The following PAN3 variants were observed in gnomAD, a reference collection of about 807,000 sequenced individuals.
PAN3 encodes the protein PAN2-PAN3 deadenylation complex subunit PAN3.
PAN3 carries 19 observed loss-of-function variants against 96.2 expected under a neutral mutation model. That is an observed-to-expected ratio of 0.20 (90% CI 0.14 to 0.29). PAN3 has a LOEUF of 0.29. Among genes scored for constraint, PAN3 ranks in the 10% least tolerant of loss-of-function variants. PAN3 has a pLI of 1.00. For synonymous variants in PAN3, 433 were observed against 406.6 expected (o/e 1.06, Z -0.78); for missense variants, 882 against 1,108.1 (o/e 0.80, Z 2.90).
chr13:28,261,575 G>A (rs903427547), intron 9 of PAN3, 117 bp downstream of exon 9: 1 of 791,876 alleles, frequency 1.3e-6, no homozygotes, highest in Non-Finnish European at 1.9e-6. Context: ...GCTCATACCT[G>A]TAATCCCAGC....
intron 5 of PAN3, chr13:28,215,166 C>A: frequency 1.4e-6 from 1 of 716,776 alleles, no homozygotes; most frequent in Non-Finnish European, 2.6e-6. Context: ...GAAAGTCACC[C>A]ATAAAGATGG....
chr13:28,166,717 T>G (rs1410869816), intron 1 of PAN3, among the ~76,000 whole-genome samples: 1 of 152,230 alleles, frequency 6.6e-6, no homozygotes, highest in Non-Finnish European at 1.5e-5. Context: ...CTGAGTGTAC[T>G]GCACTCCTGA....
chr13:28,183,292 T>C (rs141348302), intron 4 of PAN3, among the ~76,000 whole-genome samples: 174 of 152,340 alleles, frequency 1.1e-3, no homozygotes, highest in Non-Finnish European at 2.0e-3. Flanking sequence ...AATAATGTTT[T>C]ACTTGGTATT....
intron 5 of PAN3, among the ~76,000 whole-genome samples, chr13:28,207,834 A>G (rs1879557952): frequency 6.6e-6 from 1 of 152,160 alleles, no homozygotes; most frequent in South Asian, 2.1e-4. Context: ...AGAGTGTGGA[A>G]TTGGGTTCAG....
intron 5 of PAN3, among the ~76,000 whole-genome samples, chr13:28,205,247 A>G (rs546271669): frequency 1.6e-4 from 24 of 152,244 alleles, no homozygotes; most frequent in African/African-American, 5.5e-4. Flanking sequence ...GGACTTTGTA[A>G]AGGTGAAGCT....
At chr13:28,179,068 A>G (rs1404432451) in intron 4 of PAN3, among the ~76,000 whole-genome samples, 1 of 152,248 alleles carries the variant, frequency 6.6e-6, no homozygotes, top group Non-Finnish European at 1.5e-5. Flanking sequence ...GATGAGAATA[A>G]GAAGGTAATT....
chr13:28,274,237 A>G (rs572682676), intron 14 of PAN3, among the ~76,000 whole-genome samples: 4 of 151,978 alleles, frequency 2.6e-5, no homozygotes, highest in Non-Finnish European at 5.9e-5. Flanking sequence ...TCTTATCTGG[A>G]GACATTGTTT....
At chr13:28,285,394 A>G (rs1257366175) in intron 17 of PAN3, among the ~76,000 whole-genome samples, 1 of 152,058 alleles carries the variant, frequency 6.6e-6, no homozygotes, top group Non-Finnish European at 1.5e-5. Flanking sequence ...ATTCAAAGGC[A>G]TTTTCTTTAT....
chr13:28,143,352 A>G (rs985985548), intron 1 of PAN3, among the ~76,000 whole-genome samples: 1 of 152,162 alleles, frequency 6.6e-6, no homozygotes, highest in Non-Finnish European at 1.5e-5. Context: ...ACATTTAATG[A>G]TGTAATTCTA....
intron 4 of PAN3, among the ~76,000 whole-genome samples, chr13:28,178,820 A>G (rs555770209): frequency 2.6e-5 from 4 of 152,312 alleles, no homozygotes; most frequent in African/African-American, 9.6e-5. Context: ...CAGATAGTAT[A>G]AAATGAAATT....
At chr13:28,232,227 A>C (rs1417071384) in intron 6 of PAN3, among the ~76,000 whole-genome samples, 3 of 152,204 alleles carry the variant, frequency 2.0e-5, no homozygotes, top group Admixed American at 1.3e-4. Flanking sequence ...ATTTCCAAGA[A>C]GTGACTGTTG....
intron 1 of PAN3, among the ~76,000 whole-genome samples, chr13:28,159,445 C>G (rs1872634766): frequency 6.6e-6 from 1 of 151,998 alleles, no homozygotes; most frequent in African/African-American, 2.4e-5. Context: ...ACACCGGAGC[C>G]TTCTGTTTTT....
chr13:28,224,327 G>C (rs988446472), intron 6 of PAN3, among the ~76,000 whole-genome samples: 1 of 152,142 alleles, frequency 6.6e-6, no homozygotes, highest in Non-Finnish European at 1.5e-5. Flanking sequence ...CAGTGTGTTT[G>C]AAAGTGACTG....
rs114028704 is a variant in PAN3 at position 28,258,145 on chromosome 13, C to T, written c.1248+1606C>T. On this transcript the variant is annotated intron_variant, in intron 7 of 18. Coordinates refer to ENST00000380958, the MANE Select transcript of PAN3 (RefSeq NM_175854.8). ...AACTATGCTATCTTATGTAAGGAAA[C>T]CAACACAAGAAAAAAGAGATATTAT... Among the ~76,000 whole-genome samples the T allele has an allele frequency of 5.1e-3, 778 of 152,138 alleles. 6 individuals carry two copies. The highest frequency in any genetic ancestry group is 0.018 in the African/African-American group (755 of 41,526).
At chr13:28,292,329 A>G in intron 18 of PAN3, 53 bp from the exon 19 acceptor site, 1 of 1,481,780 alleles carries the variant, frequency 6.7e-7, no homozygotes, top group Non-Finnish European at 9.0e-7. Context: ...AAACGTAGAT[A>G]AATTCTTTTC....
At chr13:28,244,556 C>G (rs113960324) in intron 6 of PAN3, among the ~76,000 whole-genome samples, 236 of 152,152 alleles carry the variant, frequency 1.6e-3, no homozygotes, top group Non-Finnish European at 2.3e-3. Context: ...GTTTTACTGA[C>G]TTTATATATA....
chr13:28,139,104 C>T lies in PAN3; in HGVS notation c.430+17C>T, dbSNP rs542535719. 3 of 1,268,488 alleles carry T rather than the reference C, an allele frequency of 2.4e-6. No homozygotes were observed. The Admixed American group carries it at 1.3e-4, about 53-fold the overall frequency. 78.6% of individuals were successfully genotyped at this position (1,268,488 alleles called of 1,614,324 possible). On this transcript the variant is annotated intron_variant, in intron 1 of 18. Transcript: ENST00000380958. ...GGCTGGCAAGTGAGTGTTTTTCGGGCGGGGCGGGCCGCGGCGGCGGAGGGC... is the reference window on the plus strand; with the variant it reads ...GGCTGGCAAGTGAGTGTTTTTCGGGTGGGGCGGGCCGCGGCGGCGGAGGGC...
chr13:28,167,945 C>G (rs1341787447), intron 1 of PAN3, among the ~76,000 whole-genome samples: 2 of 152,220 alleles, frequency 1.3e-5, no homozygotes, highest in East Asian at 3.8e-4. Context: ...AGTGATTTAT[C>G]CTGTCAAATA....
At chr13:28,176,963 G>A (rs1593414734) in intron 3 of PAN3, among the ~76,000 whole-genome samples, 1 of 152,156 alleles carries the variant, frequency 6.6e-6, no homozygotes, top group South Asian at 2.1e-4. Context: ...TAATTTTAAT[G>A]AAGGTAAGTC....
Sources: allele counts gnomAD v4.1 joint callset (sites outside exome capture counted in the v4.1 genomes callset), GRCh38; gene constraint gnomAD v4.1.1; transcripts MANE v1.5; gene names NCBI Gene and HGNC (gene_info 2026-07-23, HGNC 2026-07-21).